The following SLC25A48 variants were observed in gnomAD, a reference collection of about 807,000 sequenced individuals.
SLC25A48 encodes CTC-321K16.1.
A neutral mutation model predicts 32.2 loss-of-function variants in SLC25A48; 29 were observed. That is an observed-to-expected ratio of 0.90 (90% CI 0.67 to 1.23). The LOEUF (loss-of-function observed/expected upper bound fraction) is 1.23, where lower values mean the gene tolerates loss of function less well. Among genes scored for constraint, SLC25A48 ranks in the 50% most tolerant of loss-of-function variants. The pLI is 0.00. For missense variants in SLC25A48, 399 were observed against 422.7 expected, an observed-to-expected ratio of 0.94 and a Z score of 0.49; for synonymous variants, 164 against 172.3, an observed-to-expected ratio of 0.95 and a Z score of 0.38.
intron 3 of SLC25A48, among the ~76,000 whole-genome samples, chr5:135,786,058 CCTT>C (rs1756841039): frequency 6.6e-6 from 1 of 151,644 alleles, no homozygotes; most frequent in South Asian, 2.1e-4. Flanking sequence ...GGGTGGAACA[CCTT>C]CTTTGCCCCA....
At chr5:135,734,281 G>T (rs953420163) in intron 3 of SLC25A48, among the ~76,000 whole-genome samples, 5 of 152,086 alleles carry the variant, frequency 3.3e-5, no homozygotes, top group African/African-American at 1.2e-4. Context: ...TGGCAATGAG[G>T]TGTGGCTCTA....
intron 4 of SLC25A48, among the ~76,000 whole-genome samples, chr5:135,859,898 TG>T (rs1307400702): frequency 6.6e-6 from 1 of 152,112 alleles, no homozygotes; most frequent in Non-Finnish European, 1.5e-5. Context: ...CAGGAGTAAT[TG>T]GGGAAGTTTG....
chr5:135,637,453 G>C (rs1458781852), intron 3 of SLC25A48, among the ~76,000 whole-genome samples: 1 of 152,150 alleles, frequency 6.6e-6, no homozygotes, highest in Admixed American at 6.5e-5. Flanking sequence ...AACTTCAAGA[G>C]CTTCAGTCTC....
intron 3 of SLC25A48, among the ~76,000 whole-genome samples, chr5:135,723,414 A>ACACACACACACAC (rs70976577): frequency 2.5e-4 from 37 of 145,764 alleles, no homozygotes; most frequent in Non-Finnish European, 4.1e-4. Context: ...ACACACACAC[A>ACACACACACACAC]ATGGGGAGGG....
At chr5:135,635,989 A>G (rs1752694857) in intron 3 of SLC25A48, among the ~76,000 whole-genome samples, 1 of 152,206 alleles carries the variant, frequency 6.6e-6, no homozygotes, top group Admixed American at 6.5e-5. Context: ...CCTATTAATG[A>G]GTAGTCCCCC....
intron 1 of SLC25A48, among the ~76,000 whole-genome samples, chr5:135,616,387 T>G (rs1272765031): frequency 2.0e-5 from 3 of 152,218 alleles, no homozygotes; most frequent in Non-Finnish European, 2.9e-5. Flanking sequence ...GCCCAAGGCC[T>G]TGGGAAAATA....
chr5:135,727,875 G>T (rs1013121727), intron 3 of SLC25A48, among the ~76,000 whole-genome samples: 1 of 152,058 alleles, frequency 6.6e-6, no homozygotes, highest in Non-Finnish European at 1.5e-5. Context: ...TTGTTTCTTT[G>T]CCGTTCCAAA....
chr5:135,659,744 C>T (rs919210202), intron 3 of SLC25A48, among the ~76,000 whole-genome samples: 3 of 152,156 alleles, frequency 2.0e-5, no homozygotes, highest in African/African-American at 7.2e-5. Context: ...AGGAAACTTA[C>T]AATCATGGTG....
chr5:135,746,021 C>T (rs937443614), intron 3 of SLC25A48, among the ~76,000 whole-genome samples: 10 of 152,198 alleles, frequency 6.6e-5, no homozygotes, highest in Non-Finnish European at 1.5e-4. Flanking sequence ...ATCCGTGCCA[C>T]ATCCTTTGCT....
chr5:135,808,184 A>C (rs1229262251), intron 3 of SLC25A48, among the ~76,000 whole-genome samples: 2 of 150,526 alleles, frequency 1.3e-5, no homozygotes, highest in Non-Finnish European at 3.0e-5. Context: ...TTAACACTAG[A>C]TATTATAAAT....
intron 3 of SLC25A48, among the ~76,000 whole-genome samples, chr5:135,674,812 C>T (rs1753730967): frequency 6.6e-6 from 1 of 151,898 alleles, no homozygotes; most frequent in Admixed American, 6.6e-5. Flanking sequence ...AATAAACATG[C>T]ATGTGCATAC....
intron 3 of SLC25A48, among the ~76,000 whole-genome samples, chr5:135,774,355 G>A (rs1756493974): frequency 6.6e-6 from 1 of 151,672 alleles, no homozygotes; most frequent in Non-Finnish European, 1.5e-5. Context: ...GTCGGGTGGT[G>A]TACACTCCTT....
At chr5:135,656,762 A>G (rs1561777893) in intron 3 of SLC25A48, among the ~76,000 whole-genome samples, 1 of 152,152 alleles carries the variant, frequency 6.6e-6, no homozygotes, top group Non-Finnish European at 1.5e-5. Flanking sequence ...ATAAAGGCAG[A>G]GATGGGAGGT....
rs1752967775 is a variant in SLC25A48 at position 135,646,664 on chromosome 5, T to TAC, written c.-521+11709_-521+11710insCA. ...ATTTATAATATAATTTCCCATTATA[T>TAC]ATATATATATATATACAATGGGAAG... On this transcript the variant is annotated intron_variant, in intron 3 of 10. Coordinates refer to the SLC25A48 transcript ENST00000646290. Among the ~76,000 whole-genome samples, 2 of 36,282 alleles carry TAC rather than the reference T, an allele frequency of 5.5e-5. 1 individual carries two copies. The highest frequency in any genetic ancestry group is 1.4e-4 in the Non-Finnish European group (2 of 14,626). The allele number at this position is 36,282 out of a possible 152,430, so 23.8% of individuals were successfully genotyped here. A position where few individuals can be genotyped will look rare whatever the true frequency, so the allele number is the denominator to read the frequency against.
At chr5:135,817,456 G>A (rs576931128) in intron 4 of SLC25A48, among the ~76,000 whole-genome samples, 1 of 152,168 alleles carries the variant, frequency 6.6e-6, no homozygotes, top group African/African-American at 2.4e-5. Flanking sequence ...AGTCTTTTCA[G>A]CCAGTGAGGC....
At chr5:135,816,590 T>A (rs1027167747) in intron 4 of SLC25A48, among the ~76,000 whole-genome samples, 1 of 152,162 alleles carries the variant, frequency 6.6e-6, no homozygotes, top group African/African-American at 2.4e-5. Context: ...AAATAATCAA[T>A]GAAGAATGAC....
intron 3 of SLC25A48, among the ~76,000 whole-genome samples, chr5:135,691,737 G>A (rs142021759): frequency 2.6e-5 from 4 of 152,280 alleles, no homozygotes; most frequent in Non-Finnish European, 4.4e-5. Context: ...TTTAGACTTC[G>A]TGCCCACACC....
At chr5:135,772,298 T>C (rs1196095209) in intron 3 of SLC25A48, among the ~76,000 whole-genome samples, 1 of 151,182 alleles carries the variant, frequency 6.6e-6, no homozygotes, top group Non-Finnish European at 1.5e-5. Flanking sequence ...TCACAGGTAG[T>C]GTACACCCCA....
chr5:135,842,253 C>G (rs1329688394), intron 1 of SLC25A48, among the ~76,000 whole-genome samples, 163 bp from the exon 2 acceptor site: 1 of 152,186 alleles, frequency 6.6e-6, no homozygotes, highest in East Asian at 1.9e-4. Flanking sequence ...TCTCTGCCTT[C>G]CTTGGTGCAT....
Sources: gnomAD v4.1 joint callset for allele counts (sites outside exome capture counted in the v4.1 genomes callset) on GRCh38, gnomAD v4.1.1 for gene constraint, MANE v1.5 for transcripts, NCBI Gene and HGNC (gene_info 2026-07-23, HGNC 2026-07-21) for gene names.